Variants in MGAT4C observed in about 807,000 individuals in gnomAD.
MGAT4C encodes the protein MGAT4 family member C, also known as alpha-1,3-mannosyl-glycoprotein 4-beta-N-acetylglucosaminyltransferase C.
MGAT4C carries 19 observed loss-of-function variants against 40.1 expected under a neutral mutation model. The observed-to-expected ratio is 0.47, with a 90% CI of 0.33 to 0.70. The LOEUF is 0.70. Among genes scored for constraint, MGAT4C ranks in the 30% least tolerant of loss-of-function variants. MGAT4C has a pLI of 0.02. For missense variants in MGAT4C, 491 were observed against 563.2 expected (o/e 0.87, Z 1.30); for synonymous variants, 181 against 187.1 (o/e 0.97, Z 0.27).
intron 2 of MGAT4C, among the ~76,000 whole-genome samples, chr12:86,438,424 G>T (rs879429059): frequency 2.0e-5 from 3 of 151,948 alleles, no homozygotes; most frequent in Non-Finnish European, 2.9e-5. Flanking sequence ...AACAGCAAGG[G>T]TTGATGCAGA....
intron 1 of MGAT4C, among the ~76,000 whole-genome samples, chr12:86,794,527 A>G (rs1952079089): frequency 6.6e-6 from 1 of 151,860 alleles, no homozygotes; most frequent in African/African-American, 2.4e-5. Flanking sequence ...AGAATATATT[A>G]CTATGATACT....
At chr12:86,474,782 T>C (rs1023793755) in intron 2 of MGAT4C, among the ~76,000 whole-genome samples, 3 of 152,104 alleles carry the variant, frequency 2.0e-5, no homozygotes, top group African/African-American at 7.2e-5. Flanking sequence ...TTCAATGCTA[T>C]GCATGTTTTT....
chr12:86,083,347 T>C (rs1592888995), intron 1 of MGAT4C, among the ~76,000 whole-genome samples: 1 of 152,174 alleles, frequency 6.6e-6, no homozygotes, highest in South Asian at 2.1e-4. Context: ...ACCAGATTGT[T>C]TCAAAATATA....
chr12:86,645,323 G>A (rs1963511380), intron 2 of MGAT4C, among the ~76,000 whole-genome samples: 1 of 151,616 alleles, frequency 6.6e-6, no homozygotes, highest in African/African-American at 2.4e-5. Context: ...ATTCTACTGA[G>A]ATCACTCATG....
At chr12:86,226,469 G>C (rs1352908163) in intron 1 of MGAT4C, among the ~76,000 whole-genome samples, 1 of 151,684 alleles carries the variant, frequency 6.6e-6, no homozygotes, top group African/African-American at 2.4e-5. Flanking sequence ...CCCCCCACTG[G>C]TAAAACTTAT....
At chr12:86,052,903 G>T (rs562329057) in intron 1 of MGAT4C, among the ~76,000 whole-genome samples, 20 of 151,842 alleles carry the variant, frequency 1.3e-4, no homozygotes. Flanking sequence ...TTGTGCAAGC[G>T]GTGCCTGCCA....
intron 2 of MGAT4C, among the ~76,000 whole-genome samples, chr12:86,619,760 A>T (rs958520604): frequency 6.6e-6 from 1 of 152,096 alleles, no homozygotes; most frequent in Non-Finnish European, 1.5e-5. Flanking sequence ...AGTGAAAGGG[A>T]AAATAAAACA....
chr12:86,634,328 T>C lies in MGAT4C; in HGVS notation c.-229+92881A>G, dbSNP rs78239963. ...TTCATGAGGTTATTTAATCCATCTATACTTCAGTTACCACATTTAGAATAA... is the reference window on the plus strand; with the variant it reads ...TTCATGAGGTTATTTAATCCATCTACACTTCAGTTACCACATTTAGAATAA... On this transcript the variant is annotated intron_variant, in intron 2 of 7. Coordinates refer to the MGAT4C transcript ENST00000548651. Among the ~76,000 whole-genome samples, 468 of 152,274 alleles carry C rather than the reference T, an allele frequency of 3.1e-3. 2 individuals are homozygous for C. The highest frequency in any genetic ancestry group is 0.011 in the African/African-American group (447 of 41,574).
chr12:86,572,561 G>T (rs558506891), intron 2 of MGAT4C, among the ~76,000 whole-genome samples: 1 of 152,114 alleles, frequency 6.6e-6, no homozygotes, highest in Admixed American at 6.6e-5. Context: ...AGCTCACATG[G>T]ATCCTATGTC....
intron 2 of MGAT4C, among the ~76,000 whole-genome samples, chr12:86,557,914 A>G (rs1364575013): frequency 1.3e-5 from 2 of 152,122 alleles, no homozygotes; most frequent in African/African-American, 4.8e-5. Flanking sequence ...AATAATAATC[A>G]TATTAAGGAA....
At position 86,352,309 on chromosome 12, in the gene MGAT4C, CTT is replaced by C. The variant is rs796512923; in HGVS notation, c.-119-18184_-119-18183del. Among the ~76,000 whole-genome samples, 9 of 152,060 alleles carry C rather than the reference CTT, an allele frequency of 5.9e-5. 1 individual carries two copies. Among genetic ancestry groups the C allele is most frequent in the African/African-American group, 2.2e-4 (9 of 41,538 alleles). On this transcript the variant is annotated intron_variant, in intron 3 of 7. Coordinates refer to the MGAT4C transcript ENST00000548651. Reference sequence around the variant, plus strand: ...CTGATTAAATTTTGAGACTATAAAACTTTGACATCCTTGAAAAAAATTAGTTC... The same window carrying C: ...CTGATTAAATTTTGAGACTATAAAACTGACATCCTTGAAAAAAATTAGTTC...
chr12:86,233,853 A>T (rs1951426524), intron 1 of MGAT4C, among the ~76,000 whole-genome samples: 1 of 152,154 alleles, frequency 6.6e-6, no homozygotes, highest in Non-Finnish European at 1.5e-5. Context: ...TATCAAAATC[A>T]GTTAAAGACA....
At chr12:86,121,437 A>G (rs1251795307) in intron 1 of MGAT4C, among the ~76,000 whole-genome samples, 1 of 152,186 alleles carries the variant, frequency 6.6e-6, no homozygotes, top group Non-Finnish European at 1.5e-5. Context: ...TCCAAGACAC[A>G]TAATTGTCAG....
At chr12:86,675,395 A>T (rs1033711968) in intron 2 of MGAT4C, among the ~76,000 whole-genome samples, 1 of 152,178 alleles carries the variant, frequency 6.6e-6, no homozygotes, top group African/African-American at 2.4e-5. Flanking sequence ...AGTGCCTGTC[A>T]AGCTGTCAGC....
chr12:86,139,287 A>G (rs939052797), intron 1 of MGAT4C, among the ~76,000 whole-genome samples: 1 of 152,076 alleles, frequency 6.6e-6, no homozygotes, highest in African/African-American at 2.4e-5. Flanking sequence ...CTCTTTCCTC[A>G]GGCATGACCA....
intron 3 of MGAT4C, among the ~76,000 whole-genome samples, chr12:86,376,810 G>A (rs1955832095): frequency 1.3e-5 from 1 of 76,236 alleles, no homozygotes; most frequent in African/African-American, 5.4e-5. Context: ...GAGACAGAGA[G>A]AGAGAGACAG....
At chr12:85,997,105 T>A (rs1260959608) in intron 2 of MGAT4C, among the ~76,000 whole-genome samples, 1 of 152,092 alleles carries the variant, frequency 6.6e-6, no homozygotes, top group Non-Finnish European at 1.5e-5. Context: ...GGCCTCACAA[T>A]CATGGTGGAA....
In MGAT4C at chr12:86,226,464, C is replaced by A. The variant is rs573572327; in HGVS notation, c.-57+29775G>T. ...TTCTTAACACCTAGAAATAACCCCC[C>A]ACTGGTAAAACTTATATCTTCATCT... On this transcript the variant is annotated intron_variant, in intron 1 of 4. Coordinates refer to ENST00000611864, the MANE Select transcript of MGAT4C (RefSeq NM_001351288.2). Among the ~76,000 whole-genome samples the A allele has an allele frequency of 6.6e-5, 10 of 151,964 alleles. No individual in the cohort carries two copies. The South Asian group carries it at 8.3e-4, about 13-fold the overall frequency.
intron 1 of MGAT4C, among the ~76,000 whole-genome samples, chr12:86,180,459 C>A (rs574956461): frequency 1.3e-5 from 2 of 152,118 alleles, no homozygotes; most frequent in Non-Finnish European, 2.9e-5. Context: ...ACAGCTTGCA[C>A]CGTGCACGTG....
Sources: allele counts gnomAD v4.1 joint callset (sites outside exome capture counted in the v4.1 genomes callset), GRCh38; gene constraint gnomAD v4.1.1; transcripts MANE v1.5; gene names NCBI Gene and HGNC (gene_info 2026-07-23, HGNC 2026-07-21).